Variants in RGS3 observed in about 807,000 individuals in gnomAD.
RGS3 encodes regulator of G-protein signalling 3.
Under a neutral mutation model 132.6 loss-of-function variants are expected in RGS3, and 80 were observed. The ratio of observed to expected loss-of-function variants is 0.60; its 90% CI spans 0.50 to 0.73. RGS3 has a LOEUF of 0.73. Ranked by LOEUF, RGS3 falls within the 30% of genes least tolerant of loss-of-function variation. The probability of loss-of-function intolerance (pLI) is 0.00; values close to 1 mark genes in which losing one functional copy is unlikely to be tolerated. For missense variants in RGS3, 1,382 were observed against 1,530.8 expected, an observed-to-expected ratio of 0.90 and a Z score of 1.62; for synonymous variants, 598 against 620.6, an observed-to-expected ratio of 0.96 and a Z score of 0.54.
Position 113,495,847 on chromosome 9 carries a change from G to A in RGS3, c.750+1G>A. 1 of 1,613,668 alleles carries A rather than the reference G, an allele frequency of 6.2e-7. No individual in the cohort carries two copies. Among genetic ancestry groups the A allele is most frequent in the Non-Finnish European group, 8.5e-7 (1 of 1,179,564 alleles). ...GAAGTCTCTCCTGACTCCAGACAAG[G>A]TGGGTCCTAGGGATGCTTCTGTCAG... On this transcript the variant is annotated splice_donor_variant, in intron 8 of 24. Coordinates refer to ENST00000350696, the Ensembl canonical transcript of RGS3. LOFTEE classifies it high-confidence loss of function.
intron 19 of RGS3, among the ~76,000 whole-genome samples, chr9:113,571,757 GTGTT>G (rs1377581830): frequency 6.6e-6 from 1 of 152,166 alleles, no homozygotes; most frequent in African/African-American, 2.4e-5. Flanking sequence ...TTTATGGAGA[GTGTT>G]TGTTGAGTCC....
intron 5 of RGS3, among the ~76,000 whole-genome samples, chr9:113,483,744 G>C (rs1830238122): frequency 6.6e-6 from 1 of 152,192 alleles, no homozygotes; most frequent in Non-Finnish European, 1.5e-5. Flanking sequence ...CATGGATTTG[G>C]GGCCTTGGCA....
chr9:113,485,096 T>TG (rs1301431150), intron 6 of RGS3, among the ~76,000 whole-genome samples: 1 of 150,970 alleles, frequency 6.6e-6, no homozygotes, highest in Non-Finnish European at 1.5e-5. Flanking sequence ...AAAATGGAAT[T>TG]TTTTTTTTTG....
intron 19 of RGS3, among the ~76,000 whole-genome samples, chr9:113,573,447 G>A (rs148181916): frequency 6.6e-6 from 1 of 152,322 alleles, no homozygotes; most frequent in African/African-American, 2.4e-5. Context: ...TAGCAGCCGT[G>A]AGGAAGCGGC....
chr9:113,582,033 G>A (rs1013119726), intron 19 of RGS3: 31 of 985,282 alleles, frequency 3.1e-5, no homozygotes, highest in Admixed American at 6.2e-5. Flanking sequence ...GCTCTTACCC[G>A]TGCCGAGCTT....
rs1458452082 is a variant in RGS3 at position 113,505,433 on chromosome 9, G to A, written c.898-9G>A. On this transcript the variant is annotated splice_polypyrimidine_tract_variant and intron_variant, in intron 10 of 24. Transcript: ENST00000350696. ...CTTCTGGCAGTGACCGGGCAGGGCT[G>A]TGTCCTAGATCACCATCCCGAGGGG... 1.2e-6 allele frequency: 2 copies of A among 1,613,880 alleles called. No individual in the cohort carries two copies. Among genetic ancestry groups the A allele is most frequent in the Admixed American group, 3.3e-5 (2 of 60,036 alleles).
intron 10 of RGS3, among the ~76,000 whole-genome samples, chr9:113,503,817 G>T (rs1564496247): frequency 6.6e-6 from 1 of 152,186 alleles, no homozygotes; most frequent in Non-Finnish European, 1.5e-5. Flanking sequence ...CAGGCTCCTG[G>T]CGTCTTCCCT....
chr9:113,468,954 C>T (rs557079802), intron 3 of RGS3, among the ~76,000 whole-genome samples: 1 of 151,960 alleles, frequency 6.6e-6, no homozygotes, highest in South Asian at 2.1e-4. Context: ...GAGAGGACTG[C>T]CTGGAGTCAC....
In RGS3 at chr9:113,483,126, T is replaced by A. The variant is rs1218340929; in HGVS notation, c.525+9T>A. ...GTGATCCGTATGTGAAGGTATGTGG[T>A]GGGGCCGGAGATGGAGAGTGGGATA... is the stretch of plus-strand genomic sequence containing the variant. On this transcript the variant is annotated intron_variant, in intron 5 of 24. Transcript: ENST00000350696. 6.3e-7 allele frequency: 1 copy of A among 1,591,678 alleles called. No homozygotes were observed. Among genetic ancestry groups the A allele is most frequent in the Admixed American group, 1.7e-5 (1 of 59,846 alleles).
rs375471985 is a variant in RGS3 at position 113,485,613 on chromosome 9, T to C, written c.621-12T>C. On this transcript the variant is annotated splice_polypyrimidine_tract_variant and intron_variant, in intron 6 of 24. Transcript: ENST00000350696. ...CCTTACTAACACTCCGATGGTCTGA[T>C]TGATTTCGCAGTCCTGTCCAAGAGG... 77 of 1,589,924 alleles carry C rather than the reference T, an allele frequency of 4.8e-5. No homozygotes were observed. Among genetic ancestry groups the C allele is most frequent in the Admixed American group, 7.1e-5 (4 of 56,014 alleles).
At chr9:113,491,834 G>T (rs950615233) in intron 7 of RGS3, among the ~76,000 whole-genome samples, 1 of 152,218 alleles carries the variant, frequency 6.6e-6, no homozygotes, top group Non-Finnish European at 1.5e-5. Context: ...GATTACAGGC[G>T]TGAGCCACTG....
Position 113,505,540 on chromosome 9 carries a change from G to C in RGS3, c.979+17G>C, listed in dbSNP as rs764371929. The C allele has an allele frequency of 5.0e-5, 81 of 1,608,952 alleles. No homozygotes were observed. The Middle Eastern group carries it at 8.2e-4, about 16-fold the overall frequency. Reference sequence around the variant, plus strand: ...TGGATTCCGGTAAGTTATTGACAGGGGGATGCCAACCCCACTTGCCCACCA... The same window carrying C: ...TGGATTCCGGTAAGTTATTGACAGGCGGATGCCAACCCCACTTGCCCACCA... On this transcript the variant is annotated intron_variant, in intron 11 of 24. Coordinates refer to ENST00000350696, the Ensembl canonical transcript of RGS3.
At chr9:113,484,329 AAAAAAAAAAAAAAAAAAAAACCAAAAC>A (rs1830260106) in intron 6 of RGS3, 97 bp downstream of exon 4, 688 of 373,138 alleles carry the variant, frequency 1.8e-3, no homozygotes, top group Non-Finnish European at 2.2e-3. Flanking sequence ...GATCTATGCA[AAAAAAAAAAAAAAAAAAAAACCAAAAC>A]AAAAAAAACC....
chr9:113,523,436 G>A (rs1832058776), intron 17 of RGS3, among the ~76,000 whole-genome samples: 1 of 152,184 alleles, frequency 6.6e-6, no homozygotes. Context: ...CGAGAAGGTT[G>A]CTGTGAAGAT....
chr9:113,565,435 G>C lies in RGS3; in HGVS notation c.2038-18015G>C. On this transcript the variant is annotated intron_variant, in intron 19 of 24. Transcript: ENST00000350696. This position sits in a 1 kb window ranked among gnomAD's most constrained non-coding sequence, Gnocchi z 5.7. ...GTAGGAGGAGGAGGAAGAGGAGGAG[G>C]GACGGGTGATGCAAGGGTTTTGAAA... 3.2e-6 allele frequency: 4 copies of C among 1,242,992 alleles called. No homozygotes were observed. Among genetic ancestry groups the C allele is most frequent in the Non-Finnish European group, 4.2e-6 (4 of 946,886 alleles). 77.0% of individuals were successfully genotyped at this position (1,242,992 alleles called of 1,614,324 possible).
intron 18 of RGS3, 128 bp downstream of exon 16, chr9:113,529,392 C>T: frequency 1.2e-6 from 1 of 840,942 alleles, no homozygotes; most frequent in Non-Finnish European, 2.0e-6. Flanking sequence ...AAGTCCTGGG[C>T]AAGGCCAGAG....
chr9:113,552,796 A>T (rs1833392525), intron 19 of RGS3, among the ~76,000 whole-genome samples: 1 of 152,166 alleles, frequency 6.6e-6, no homozygotes, highest in South Asian at 2.1e-4. Flanking sequence ...AAATTTTAAG[A>T]TTTCCCAAAG....
intron 19 of RGS3, among the ~76,000 whole-genome samples, chr9:113,553,251 A>T (rs1833412183): frequency 6.7e-6 from 1 of 148,508 alleles, no homozygotes. Flanking sequence ...AGACAAGCCT[A>T]GGCAATATAG....
At chr9:113,461,316 T>A (rs1169921464) in intron 1 of RGS3, among the ~76,000 whole-genome samples, 2 of 152,148 alleles carry the variant, frequency 1.3e-5, no homozygotes, top group Non-Finnish European at 2.9e-5. Flanking sequence ...TCCTGCCTTC[T>A]TGGGGAAAGC....
Sources: allele counts gnomAD v4.1 joint callset (sites outside exome capture counted in the v4.1 genomes callset), GRCh38; gene constraint gnomAD v4.1.1; non-coding constraint Gnocchi (gnomAD v3.1); transcripts MANE v1.5; gene names NCBI Gene and HGNC (gene_info 2026-07-23, HGNC 2026-07-21).